The following ITSN2 variants were observed in gnomAD, a reference collection of about 807,000 sequenced individuals.
The protein encoded by ITSN2 is intersectin-2.
Under a neutral mutation model 243.7 loss-of-function variants are expected in ITSN2, and 156 were observed. The observed-to-expected ratio is 0.64, with a 90% CI of 0.56 to 0.73. The LOEUF is 0.73. ITSN2 is among the 30% of genes least tolerant of loss of function. ITSN2 has a pLI of 0.00. For synonymous variants in ITSN2, 703 were observed against 699.9 expected (o/e 1.00, Z -0.07); for missense variants, 1,801 against 1,996.1 (o/e 0.90, Z 1.86).
In ITSN2 at chr2:24,203,692, C is replaced by G; in HGVS notation, c.5028G>C (p.Glu1676Asp). ...GGACCCAGACCTCCCCGGTGGGGACCTCATGCAGCAGCAGTCGGCGGGTCA... is the reference window on the plus strand; with the variant it reads ...GGACCCAGACCTCCCCGGTGGGGACGTCATGCAGCAGCAGTCGGCGGGTCA... ...GPMTRRLLLH[E>D]VPTGEVWVRF... Residue 1676 changes from glutamate (E) to aspartate (D), a missense_variant, in exon 40 of 40, where the codon GAG becomes GAC. Physicochemically the swap from Glu to Asp is conservative, Grantham distance 45. Around this residue, in one of 5 missense-constraint regions of ITSN2, gnomAD observed 928 missense variants for 1,065.4 expected, o/e 0.87. Coordinates refer to ENST00000355123, the MANE Select transcript of ITSN2 (RefSeq NM_006277.3). 1 of 1,614,198 alleles carries G rather than the reference C, an allele frequency of 6.2e-7. No individual in the cohort carries two copies. Among genetic ancestry groups the G allele is most frequent in the Non-Finnish European group, 8.5e-7 (1 of 1,180,038 alleles).
chr2:24,297,099 C>T (rs1174238172), intron 13 of ITSN2, among the ~76,000 whole-genome samples: 1 of 152,054 alleles, frequency 6.6e-6, no homozygotes, highest in African/African-American at 2.4e-5. Flanking sequence ...TTTTGTAGTA[C>T]TCTGGCATGA....
intron 24 of ITSN2, among the ~76,000 whole-genome samples, chr2:24,253,718 G>A (rs1029058621): frequency 2.0e-5 from 3 of 152,148 alleles, no homozygotes; most frequent in Non-Finnish European, 2.9e-5. Flanking sequence ...AATCTTCAAC[G>A]TAACAGATAC....
intron 29 of ITSN2, among the ~76,000 whole-genome samples, chr2:24,236,939 C>A (rs1032900866): frequency 2.3e-4 from 35 of 151,480 alleles, no homozygotes; most frequent in African/African-American, 8.3e-4. Context: ...CAGGTAATCA[C>A]CCACCTTGGC....
In ITSN2 at chr2:24,275,700, T is replaced by G. The variant is rs1219301804; in HGVS notation, c.2081+13A>C. ...ATGGCAATATAGCACAATAAATATA[T>G]CAGCTATATTACCTTGCAGCCTCAT... On this transcript the variant is annotated intron_variant, in intron 18 of 39. Transcript: ENST00000355123. 6.3e-7 allele frequency: 1 copy of G among 1,591,800 alleles called. No individual in the cohort carries two copies. Among genetic ancestry groups the G allele is most frequent in the Non-Finnish European group, 8.6e-7 (1 of 1,165,640 alleles).
chr2:24,270,725 G>C lies in ITSN2; in HGVS notation c.2301C>G (p.Pro767=). The change falls in exon 20 of 40, where the codon CCC becomes CCG. Residue 767 remains proline (P), a synonymous_variant. Transcript: ENST00000355123. ...SVLVNYRALY[P]FEARNHDEMS... is the part of the protein sequence containing the mutation. ...TCTCATCATGGTTCCTTGCTTCAAA[G>C]GGGTATAATGCTCTATAATTCACCA... 6.2e-7 allele frequency: 1 copy of C among 1,602,964 alleles called. No homozygotes were observed. The highest frequency in any genetic ancestry group is 8.5e-7 in the Non-Finnish European group (1 of 1,171,320).
At chr2:24,339,482 A>G (rs1686810153) in intron 1 of ITSN2, among the ~76,000 whole-genome samples, 1 of 152,044 alleles carries the variant, frequency 6.6e-6, no homozygotes, top group African/African-American at 2.4e-5. Context: ...AAAAAAAAAA[A>G]AAAAAGAGTT....
At position 24,310,320 on chromosome 2, in the gene ITSN2, T is replaced by C; in HGVS notation, c.617A>G (p.Gln206Arg). 6.2e-7 allele frequency: 1 copy of C among 1,613,782 alleles called. No homozygotes were observed. Among genetic ancestry groups the C allele is most frequent in the Middle Eastern group, 1.6e-4 (1 of 6,062 alleles). ...TAAATCAATCAGAGACTGCGCTTTC[T>C]GTATACTAGCACCTCCAAATCCTCC... ...MMGGFGGASI[Q>R]KAQSLIDLGS... The change falls in exon 7 of 40, where the codon CAG becomes CGG. Residue 206 changes from glutamine to arginine, a missense_variant. Coordinates refer to ENST00000355123, the MANE Select transcript of ITSN2 (RefSeq NM_006277.3).
At position 24,216,364 on chromosome 2, in the gene ITSN2, A is replaced by G. The variant is rs964059716; in HGVS notation, c.3807-132T>C. On this transcript the variant is annotated intron_variant, in intron 31 of 39. Coordinates refer to ENST00000355123, the MANE Select transcript of ITSN2 (RefSeq NM_006277.3). The stretch of plus-strand genomic sequence containing the variant: ...AGAACCTCTGGCACTGGGAAGGAGA[A>G]CTCAAGAGGAAGAGGAGATAGCTTG... 8.7e-6 allele frequency: 6 copies of G among 693,370 alleles called. No individual in the cohort carries two copies. In the African/African-American group the frequency reaches 1.1e-4, roughly 13 times the overall value. The allele number at this position is 693,370 out of a possible 1,614,324, so 43.0% of individuals were successfully genotyped here. A position where few individuals can be genotyped will look rare whatever the true frequency, so the allele number is the denominator to read the frequency against.
chr2:24,215,777 T>C (rs978872151), intron 32 of ITSN2, among the ~76,000 whole-genome samples: 6 of 152,018 alleles, frequency 3.9e-5, no homozygotes, highest in African/African-American at 1.4e-4. Context: ...GGTTGTTTCT[T>C]GGGAGTATAA....
At chr2:24,338,919 G>C (rs1352571681) in intron 1 of ITSN2, among the ~76,000 whole-genome samples, 1 of 152,152 alleles carries the variant, frequency 6.6e-6, no homozygotes, top group Non-Finnish European at 1.5e-5. Flanking sequence ...ATCAAAGTAA[G>C]GTACATGTAA....
chr2:24,254,359 A>G lies in ITSN2; in HGVS notation c.2953+8T>C. The stretch of plus-strand genomic sequence containing the variant: ...TACCATCTAATTTACAAATTGCCAA[A>G]AGCTTACCTTCTCCAACTGAATAGG... On this transcript the variant is annotated splice_region_variant and intron_variant, in intron 24 of 39. Coordinates refer to ENST00000355123, the MANE Select transcript of ITSN2 (RefSeq NM_006277.3). The G allele has an allele frequency of 6.2e-7, 1 of 1,605,500 alleles. No individual in the cohort carries two copies. Among genetic ancestry groups the G allele is most frequent in the African/African-American group, 1.3e-5 (1 of 74,832 alleles).
intron 20 of ITSN2, among the ~76,000 whole-genome samples, chr2:24,263,868 T>A (rs1435833647): frequency 6.6e-6 from 1 of 152,234 alleles, no homozygotes; most frequent in Non-Finnish European, 1.5e-5. Flanking sequence ...CTATGAACAT[T>A]TGTCTTCATA....
intron 20 of ITSN2, among the ~76,000 whole-genome samples, chr2:24,264,180 T>G (rs1184815541): frequency 6.6e-6 from 1 of 151,962 alleles, no homozygotes; most frequent in Admixed American, 6.6e-5. Flanking sequence ...TCACCTGAGG[T>G]CGGGAGTTTG....
At chr2:24,246,944 T>G (rs1476370662) in intron 27 of ITSN2, 51 bp from the exon 28 acceptor site, 1 of 1,187,194 alleles carries the variant, frequency 8.4e-7, no homozygotes, top group African/African-American at 1.5e-5. Context: ...TTAAAAACAA[T>G]CATTGAGACA....
Position 24,202,909 on chromosome 2 carries a change from G to T in ITSN2, c.*717C>A, listed in dbSNP as rs1403443417. 1 of 152,576 alleles carries T rather than the reference G, an allele frequency of 6.6e-6. No homozygotes were observed. Among genetic ancestry groups the T allele is most frequent in the Non-Finnish European group, 1.5e-5 (1 of 68,034 alleles). 9.5% of individuals were successfully genotyped at this position (152,576 alleles called of 1,614,324 possible). A position where few individuals can be genotyped will look rare whatever the true frequency, so the allele number is the denominator to read the frequency against. On this transcript the variant is annotated 3_prime_UTR_variant, in exon 40 of 40. Coordinates refer to ENST00000355123, the MANE Select transcript of ITSN2 (RefSeq NM_006277.3). Reference sequence around the variant, plus strand: ...CTTTATTCTCTTTCTGTACATATGGGCAATGATAAAGCTTAAAGATGCATG... The same window carrying T: ...CTTTATTCTCTTTCTGTACATATGGTCAATGATAAAGCTTAAAGATGCATG...
intron 15 of ITSN2, among the ~76,000 whole-genome samples, chr2:24,290,970 G>A (rs1680169890): frequency 6.6e-6 from 1 of 152,010 alleles, no homozygotes; most frequent in Admixed American, 6.6e-5. Context: ...TTTTCTAGAT[G>A]AATTTGTCAG....
chr2:24,324,195 G>A (rs895501740), intron 2 of ITSN2, among the ~76,000 whole-genome samples: 2 of 152,138 alleles, frequency 1.3e-5, no homozygotes, highest in African/African-American at 4.8e-5. Context: ...TCATGCCACT[G>A]CACTCCAGCC....
intron 14 of ITSN2, among the ~76,000 whole-genome samples, chr2:24,294,750 G>A (rs150162536): frequency 6.6e-6 from 1 of 152,252 alleles, no homozygotes; most frequent in East Asian, 1.9e-4. Context: ...TTATTTTAAT[G>A]TATGATATGG....
rs573724194 is a variant in ITSN2 at position 24,286,873 on chromosome 2, T to C, written c.1724-522A>G. Among the ~76,000 whole-genome samples, 10 of 152,284 alleles carry C rather than the reference T, an allele frequency of 6.6e-5. No homozygotes were observed. The East Asian group carries it at 1.9e-3, about 29-fold the overall frequency. ...ATTTTAGGAGGTAAGAACAGAAGGTTTCATTTTATATTATCTTTTTTTACA... is the reference window on the plus strand; with the variant it reads ...ATTTTAGGAGGTAAGAACAGAAGGTCTCATTTTATATTATCTTTTTTTACA... On this transcript the variant is annotated intron_variant, in intron 15 of 39. Transcript: ENST00000355123.
Sources: gnomAD v4.1 joint callset for allele counts (sites outside exome capture counted in the v4.1 genomes callset) on GRCh38, gnomAD v4.1.1 for gene constraint, gnomAD v4.1.1 regional missense constraint, MANE v1.5 for transcripts, NCBI Gene and HGNC (gene_info 2026-07-23, HGNC 2026-07-21) for gene names.